The following PPARGC1A variants were observed in gnomAD, a reference collection of about 807,000 sequenced individuals.
PPARGC1A encodes the protein peroxisome proliferator-activated receptor gamma coactivator 1-alpha.
PPARGC1A carries 25 observed loss-of-function variants against 88.7 expected under a neutral mutation model. The observed-to-expected ratio is 0.28, with a 90% CI of 0.21 to 0.39. PPARGC1A has a LOEUF of 0.39. PPARGC1A is among the 10% of genes least tolerant of loss of function. The pLI is 1.00. For missense variants in PPARGC1A, 880 were observed against 968.7 expected (o/e 0.91, Z 1.22); for synonymous variants, 363 against 355.6 (o/e 1.02, Z -0.24).
chr4:24,015,979 C>A, the PPARGC1A span, among the ~76,000 whole-genome samples: 2 of 152,110 alleles, frequency 1.3e-5, no homozygotes, highest in Non-Finnish European at 2.9e-5. Flanking sequence ...TCACTGGAAG[C>A]TGATAAAGCA....
At chr4:24,343,637 C>A in the PPARGC1A span, among the ~76,000 whole-genome samples, 1 of 152,124 alleles carries the variant, frequency 6.6e-6, no homozygotes, top group Non-Finnish European at 1.5e-5. Context: ...TGGCAGTCAT[C>A]CAAACCTGAA....
the PPARGC1A span, among the ~76,000 whole-genome samples, chr4:24,390,131 T>G: frequency 6.6e-6 from 1 of 152,082 alleles, no homozygotes; most frequent in Admixed American, 6.6e-5. Flanking sequence ...GAAAACTGTT[T>G]TAGCAGCCAT....
At chr4:23,832,369 A>G (rs891070862) in intron 2 of PPARGC1A, among the ~76,000 whole-genome samples, 7 of 152,114 alleles carry the variant, frequency 4.6e-5, no homozygotes, top group African/African-American at 1.7e-4. Context: ...CTTCTACTTC[A>G]TAATAGCTCC....
intron 7 of PPARGC1A, among the ~76,000 whole-genome samples, chr4:23,823,295 C>A (rs1354878315): frequency 6.6e-6 from 1 of 151,872 alleles, no homozygotes; most frequent in Non-Finnish European, 1.5e-5. Flanking sequence ...TGGCTACCAT[C>A]TATAATATGT....
the PPARGC1A span, among the ~76,000 whole-genome samples, chr4:24,376,539 G>A: frequency 6.6e-6 from 1 of 152,144 alleles, no homozygotes; most frequent in African/African-American, 2.4e-5. Flanking sequence ...AGCCGTTTTT[G>A]AGCCATTTGG....
At chr4:23,988,759 T>C in the PPARGC1A span, among the ~76,000 whole-genome samples, 15 of 150,598 alleles carry the variant, frequency 1.0e-4, no homozygotes, top group Admixed American at 5.3e-4. Context: ...TATATATATA[T>C]ACACACACAC....
chr4:24,325,299 T>C, the PPARGC1A span, among the ~76,000 whole-genome samples: 15 of 152,060 alleles, frequency 9.9e-5, no homozygotes, highest in Admixed American at 6.6e-5. Flanking sequence ...ATTCCGGCCC[T>C]CAAACCCCAC....
chr4:23,829,627 T>G, intron 3 of PPARGC1A, 42 bp from the exon 4 acceptor site: 1 of 1,585,072 alleles, frequency 6.3e-7, no homozygotes, highest in Non-Finnish European at 8.6e-7. Context: ...AGTAAAGTTA[T>G]GCATCTTTTA....
chr4:24,458,155 C>T, the PPARGC1A span, among the ~76,000 whole-genome samples: 1 of 152,140 alleles, frequency 6.6e-6, no homozygotes, highest in Non-Finnish European at 1.5e-5. Flanking sequence ...GACCTCTTGA[C>T]TAATATGTAT....
the PPARGC1A span, among the ~76,000 whole-genome samples, chr4:24,101,577 C>T: frequency 3.9e-5 from 6 of 152,294 alleles, no homozygotes; most frequent in South Asian, 6.2e-4. Flanking sequence ...AAATATCACA[C>T]GTACCCCATA....
At chr4:24,408,484 T>A in the PPARGC1A span, among the ~76,000 whole-genome samples, 819 of 152,344 alleles carry the variant, frequency 5.4e-3, 8 homozygotes, top group African/African-American at 0.017. Context: ...GGCAATCTGA[T>A]TCCCCTCCAT....
At chr4:23,812,178 AGTGATC>A (rs1313426321) in intron 10 of PPARGC1A, among the ~76,000 whole-genome samples, 1 of 151,820 alleles carries the variant, frequency 6.6e-6, no homozygotes, top group Admixed American at 6.6e-5. Context: ...TCTGGCCTTA[AGTGATC>A]CACATGCCTT....
At chr4:24,324,942 C>T in the PPARGC1A span, among the ~76,000 whole-genome samples, 3 of 152,166 alleles carry the variant, frequency 2.0e-5, no homozygotes, top group African/African-American at 7.2e-5. Context: ...CTCCGCTCCT[C>T]CACCCTGTAA....
At chr4:24,027,237 C>T in the PPARGC1A span, among the ~76,000 whole-genome samples, 121 of 90,374 alleles carry the variant, frequency 1.3e-3, no homozygotes, top group African/African-American at 4.7e-3. Flanking sequence ...CTGTGTGTGT[C>T]TGTGTGTGTG....
At chr4:24,174,371 C>T in the PPARGC1A span, among the ~76,000 whole-genome samples, 1 of 152,176 alleles carries the variant, frequency 6.6e-6, no homozygotes, top group Non-Finnish European at 1.5e-5. Flanking sequence ...TCCGAAACAT[C>T]TCAGTTAATA....
At chr4:24,255,051 G>A in the PPARGC1A span, among the ~76,000 whole-genome samples, 3 of 152,166 alleles carry the variant, frequency 2.0e-5, no homozygotes, top group Admixed American at 6.5e-5. Flanking sequence ...GAAAATGTCT[G>A]CAAATTCACA....
chr4:24,048,034 G>A, the PPARGC1A span, among the ~76,000 whole-genome samples: 6 of 152,138 alleles, frequency 3.9e-5, no homozygotes, highest in Non-Finnish European at 7.4e-5. Context: ...ATGTGCCCAA[G>A]TTCCAAAATG....
At chr4:24,256,894 A>G in the PPARGC1A span, among the ~76,000 whole-genome samples, 1 of 152,298 alleles carries the variant, frequency 6.6e-6, no homozygotes, top group East Asian at 1.9e-4. Context: ...TTGTTAAGAA[A>G]GATATAGACA....
chr4:24,051,608 C>T, the PPARGC1A span, among the ~76,000 whole-genome samples: 1 of 152,132 alleles, frequency 6.6e-6, no homozygotes. Context: ...TTCGCATCCA[C>T]ATTATCTGCT....
Sources: gnomAD v4.1 joint callset for allele counts (sites outside exome capture counted in the v4.1 genomes callset) on GRCh38, gnomAD v4.1.1 for gene constraint, MANE v1.5 for transcripts, NCBI Gene and HGNC (gene_info 2026-07-23, HGNC 2026-07-21) for gene names.